Variants in FOXP1 observed in about 807,000 individuals in gnomAD.
The protein encoded by FOXP1 is forkhead box P1, also known as forkhead box protein P1.
Under a neutral mutation model 98.2 loss-of-function variants are expected in FOXP1, and 15 were observed. The observed-to-expected ratio is 0.15, with a 90% CI of 0.10 to 0.24. FOXP1 has a LOEUF of 0.24. FOXP1 is among the 10% of genes least tolerant of loss of function. The probability of loss-of-function intolerance (pLI) is 1.00; values close to 1 mark genes in which losing one functional copy is unlikely to be tolerated. For missense variants in FOXP1, 633 were observed against 848.5 expected (o/e 0.75, Z 3.15); for synonymous variants, 371 against 314.5 (o/e 1.18, Z -1.90).
intron 4 of FOXP1, among the ~76,000 whole-genome samples, chr3:71,357,552 A>C (rs2078247591): frequency 6.6e-6 from 1 of 152,236 alleles, no homozygotes; most frequent in South Asian, 2.1e-4. Flanking sequence ...TAGAACCCAG[A>C]ATTTACCTGG....
chr3:71,308,129 G>A (rs935655221), intron 4 of FOXP1, among the ~76,000 whole-genome samples: 4 of 151,486 alleles, frequency 2.6e-5, no homozygotes, highest in African/African-American at 9.7e-5. Context: ...CTCGCTGTAA[G>A]CTTGAGAGAA....
At chr3:71,348,561 G>GCACA (rs755611129) in intron 4 of FOXP1, among the ~76,000 whole-genome samples, 1 of 140,616 alleles carries the variant, frequency 7.1e-6, no homozygotes, top group Non-Finnish European at 1.6e-5. Flanking sequence ...GTGCGCGCGC[G>GCACA]CACGCATATG....
chr3:71,402,456 A>G (rs1281200590), intron 3 of FOXP1, among the ~76,000 whole-genome samples: 1 of 152,206 alleles, frequency 6.6e-6, no homozygotes, highest in Non-Finnish European at 1.5e-5. Flanking sequence ...CCCTGTCTCA[A>G]TCAATCAAAT....
chr3:71,014,992 G>A (rs1485449685), intron 12 of FOXP1, among the ~76,000 whole-genome samples: 1 of 151,928 alleles, frequency 6.6e-6, no homozygotes, highest in Admixed American at 6.6e-5. Flanking sequence ...GGCCTGTCGT[G>A]GGGTGGGGGG....
chr3:70,955,367 T>A lies in FOXP1; in HGVS notation c.*3880A>T. The A allele has an allele frequency of 4.3e-6, 1 of 232,960 alleles. No homozygotes were observed. Among genetic ancestry groups the A allele is most frequent in the Non-Finnish European group, 8.5e-6 (1 of 117,824 alleles). 14.4% of individuals were successfully genotyped at this position (232,960 alleles called of 1,614,324 possible). A position where few individuals can be genotyped will look rare whatever the true frequency, so the allele number is the denominator to read the frequency against. On this transcript the variant is annotated 3_prime_UTR_variant, in exon 21 of 21. Transcript: ENST00000649528. ...GACTGGTGGTAACTCTTCACGTATG[T>A]ACATAAGCCTTGATATTCCATTTTG...
chr3:71,208,536 TTGTG>T (rs1553780525), intron 5 of FOXP1, among the ~76,000 whole-genome samples: 3 of 149,454 alleles, frequency 2.0e-5, no homozygotes, highest in African/African-American at 5.0e-5. Flanking sequence ...GCATTTAAGT[TTGTG>T]TGTGTGTGTG....
At chr3:71,577,414 C>T (rs1030794821) in intron 2 of FOXP1, among the ~76,000 whole-genome samples, 10 of 151,252 alleles carry the variant, frequency 6.6e-5, no homozygotes, top group Non-Finnish European at 4.4e-5. Flanking sequence ...GTCACATGCT[C>T]ATTGAAATAA....
chr3:71,420,397 T>C (rs564166101), intron 3 of FOXP1, among the ~76,000 whole-genome samples: 1 of 152,234 alleles, frequency 6.6e-6, no homozygotes, highest in African/African-American at 2.4e-5. Flanking sequence ...TCTAATTCCA[T>C]CAGGATGCTA....
At chr3:71,493,669 T>C (rs1218249594) in intron 2 of FOXP1, 114 bp from the exon 3 acceptor site, 1 of 152,206 alleles carries the variant, frequency 6.6e-6, no homozygotes, top group East Asian at 1.9e-4. Context: ...AAAACACCGT[T>C]CAAGCCAGGG....
At chr3:71,017,892 G>A (rs1020877203) in intron 11 of FOXP1, among the ~76,000 whole-genome samples, 8 of 152,092 alleles carry the variant, frequency 5.3e-5, no homozygotes, top group African/African-American at 1.9e-4. Flanking sequence ...CTATCAAGTT[G>A]CTCTTGAAAA....
At chr3:71,138,784 G>T (rs1052196308) in intron 6 of FOXP1, among the ~76,000 whole-genome samples, 1 of 152,142 alleles carries the variant, frequency 6.6e-6, no homozygotes, top group African/African-American at 2.4e-5. Context: ...CACGCGACCT[G>T]TGAAAAATCT....
At chr3:71,557,232 C>T (rs368798470) in intron 2 of FOXP1, among the ~76,000 whole-genome samples, 2 of 152,008 alleles carry the variant, frequency 1.3e-5, no homozygotes, top group African/African-American at 4.8e-5. Context: ...TAGCTTGCTA[C>T]ACGGATGAGA....
chr3:71,179,851 C>A (rs1333512638), intron 6 of FOXP1, among the ~76,000 whole-genome samples: 1 of 152,200 alleles, frequency 6.6e-6, no homozygotes, highest in Non-Finnish European at 1.5e-5. Flanking sequence ...AATTTTTCTA[C>A]AACGAATGTG....
intron 4 of FOXP1, among the ~76,000 whole-genome samples, chr3:71,330,975 G>C (rs1358233260): frequency 1.3e-5 from 2 of 152,244 alleles, no homozygotes. Flanking sequence ...CGTGCTGGCA[G>C]CCCTCGCAGC....
At chr3:71,417,437 G>A (rs1464734807) in intron 3 of FOXP1, among the ~76,000 whole-genome samples, 1 of 152,158 alleles carries the variant, frequency 6.6e-6, no homozygotes, top group African/African-American at 2.4e-5. Context: ...TCCTAAAAAT[G>A]AGCACTGGGC....
intron 3 of FOXP1, among the ~76,000 whole-genome samples, chr3:71,433,371 C>T (rs2084910873): frequency 6.6e-6 from 1 of 152,170 alleles, no homozygotes; most frequent in Non-Finnish European, 1.5e-5. Context: ...CTCTACGTGT[C>T]TATCAGAACA....
intron 5 of FOXP1, among the ~76,000 whole-genome samples, chr3:71,216,435 C>A (rs926036336): frequency 6.6e-6 from 1 of 152,122 alleles, no homozygotes; most frequent in Non-Finnish European, 1.5e-5. Flanking sequence ...TCAAGAATGT[C>A]CAAACAGAAT....
At chr3:71,564,716 T>A (rs1478004933) in intron 2 of FOXP1, among the ~76,000 whole-genome samples, 13 of 152,242 alleles carry the variant, frequency 8.5e-5, no homozygotes, top group Non-Finnish European at 1.9e-4. Flanking sequence ...TTCTTAAAAA[T>A]TATTTGTAAG....
At chr3:71,106,689 A>G (rs757216401) in intron 7 of FOXP1, among the ~76,000 whole-genome samples, 2 of 150,530 alleles carry the variant, frequency 1.3e-5, no homozygotes, top group Non-Finnish European at 2.9e-5. Flanking sequence ...CAAACTCCTG[A>G]GCTCAAGAGA....
Sources: gnomAD v4.1 joint callset for allele counts (sites outside exome capture counted in the v4.1 genomes callset) on GRCh38, gnomAD v4.1.1 for gene constraint, MANE v1.5 for transcripts, NCBI Gene and HGNC (gene_info 2026-07-23, HGNC 2026-07-21) for gene names.